Variants in DLEU7 observed in about 807,000 individuals in gnomAD.
The protein encoded by DLEU7 is deleted in lymphocytic leukemia 7.
Under a neutral mutation model 16.0 loss-of-function variants are expected in DLEU7, and 17 were observed. The ratio of observed to expected loss-of-function variants is 1.06; its 90% CI spans 0.73 to 1.59. The LOEUF (loss-of-function observed/expected upper bound fraction) is 1.59. Among genes scored for constraint, DLEU7 ranks in the 40% most tolerant of loss-of-function variants. The pLI, the probability that DLEU7 is intolerant of heterozygous loss-of-function variation, is 0.00. For missense variants in DLEU7, 308 were observed against 314.9 expected (o/e 0.98, Z 0.17); for synonymous variants, 113 against 139.8 (o/e 0.81, Z 1.35).
At chr13:50,814,817 A>G (rs1876681282) in intron 1 of DLEU7, among the ~76,000 whole-genome samples, 1 of 148,522 alleles carries the variant, frequency 6.7e-6, no homozygotes, top group South Asian at 2.2e-4. Context: ...CTGTGTATGT[A>G]CTGTACCAAT....
At chr13:50,791,286 T>C (rs1875951051) in intron 1 of DLEU7, among the ~76,000 whole-genome samples, 1 of 152,112 alleles carries the variant, frequency 6.6e-6, no homozygotes, top group African/African-American at 2.4e-5. Context: ...CACCTATGCT[T>C]TCTCCTGCTC....
intron 1 of DLEU7, among the ~76,000 whole-genome samples, chr13:50,834,157 A>C (rs60488394): frequency 7.1e-4 from 108 of 152,260 alleles, no homozygotes; most frequent in African/African-American, 2.6e-3. Context: ...AAAACACACA[A>C]AAAAAATGGC....
At chr13:50,736,309 C>T (rs1003543574) in intron 1 of DLEU7, among the ~76,000 whole-genome samples, 10 of 151,966 alleles carry the variant, frequency 6.6e-5, no homozygotes, top group African/African-American at 2.4e-4. Context: ...AATGAGAACA[C>T]ATGGACACGT....
chr13:50,732,635 G>A (rs1265305353), intron 1 of DLEU7, among the ~76,000 whole-genome samples: 1 of 125,766 alleles, frequency 8.0e-6, no homozygotes, highest in Admixed American at 7.5e-5. Flanking sequence ...AAGCTTATGT[G>A]CTTATGTTCA....
intron 1 of DLEU7, among the ~76,000 whole-genome samples, chr13:50,767,650 A>C (rs1414104579): frequency 2.0e-5 from 3 of 152,046 alleles, no homozygotes; most frequent in Non-Finnish European, 2.9e-5. Flanking sequence ...GGAAGTTGGA[A>C]AATAGGACCA....
At chr13:50,833,136 A>C (rs997826881) in intron 1 of DLEU7, among the ~76,000 whole-genome samples, 3 of 152,246 alleles carry the variant, frequency 2.0e-5, no homozygotes, top group Non-Finnish European at 4.4e-5. Flanking sequence ...GAAAACCAGC[A>C]CAAGACAAGG....
At chr13:50,740,029 A>G (rs1874207554) in intron 1 of DLEU7, among the ~76,000 whole-genome samples, 1 of 152,152 alleles carries the variant, frequency 6.6e-6, no homozygotes, top group Admixed American at 6.5e-5. Flanking sequence ...ACACTAGTTC[A>G]TTGATTTCTG....
chr13:50,757,690 A>C (rs1211580464), intron 1 of DLEU7, among the ~76,000 whole-genome samples: 1 of 152,220 alleles, frequency 6.6e-6, no homozygotes, highest in Non-Finnish European at 1.5e-5. Context: ...GTGGATGGGT[A>C]GGGGATAGAA....
At chr13:50,717,457 T>C (rs771924388) in intron 1 of DLEU7, among the ~76,000 whole-genome samples, 3 of 152,220 alleles carry the variant, frequency 2.0e-5, no homozygotes, top group African/African-American at 4.8e-5. Context: ...GTAACCCACT[T>C]TTCAGTTGCT....
At chr13:50,782,173 T>A (rs1019574894) in intron 1 of DLEU7, among the ~76,000 whole-genome samples, 1 of 152,172 alleles carries the variant, frequency 6.6e-6, no homozygotes, top group African/African-American at 2.4e-5. Context: ...GAAAACCACC[T>A]CCCTCACAAA....
At chr13:50,807,071 G>A (rs2137786336) in intron 1 of DLEU7, among the ~76,000 whole-genome samples, 1 of 149,550 alleles carries the variant, frequency 6.7e-6, no homozygotes, top group East Asian at 2.0e-4. Context: ...TAGTAAAGAA[G>A]TACTAAAATT....
intron 1 of DLEU7, among the ~76,000 whole-genome samples, chr13:50,797,979 C>T (rs1387293300): frequency 6.6e-6 from 1 of 152,128 alleles, no homozygotes; most frequent in Admixed American, 6.5e-5. Context: ...AACATATTAA[C>T]TAAGAAGTTC....
At chr13:50,729,242 T>C (rs1873849714) in intron 1 of DLEU7, among the ~76,000 whole-genome samples, 1 of 152,182 alleles carries the variant, frequency 6.6e-6, no homozygotes, top group South Asian at 2.1e-4. Flanking sequence ...CTATGTGTAC[T>C]CAAGTGCTTA....
intron 1 of DLEU7, among the ~76,000 whole-genome samples, chr13:50,733,175 A>G (rs1873967938): frequency 1.3e-5 from 2 of 152,208 alleles, no homozygotes; most frequent in South Asian, 4.1e-4. Flanking sequence ...CGTTTTAAAA[A>G]CAGTGATGAT....
chr13:50,738,299 T>TG (rs1384375667), intron 1 of DLEU7, among the ~76,000 whole-genome samples: 5 of 152,150 alleles, frequency 3.3e-5, no homozygotes, highest in African/African-American at 1.2e-4. Context: ...AATAAAACAT[T>TG]GGGAAAAAAA....
intron 1 of DLEU7, among the ~76,000 whole-genome samples, chr13:50,747,511 C>T (rs1874437298): frequency 6.6e-6 from 1 of 152,024 alleles, no homozygotes. Flanking sequence ...CAGATGCTCT[C>T]TCTCCCTCAC....
intron 1 of DLEU7, among the ~76,000 whole-genome samples, chr13:50,784,302 CT>C (rs1482434266): frequency 6.6e-6 from 1 of 152,186 alleles, no homozygotes; most frequent in African/African-American, 2.4e-5. Context: ...TTTTTCACAG[CT>C]CCTTAGAGGC....
At chr13:50,744,217 C>A (rs1484299170) in intron 1 of DLEU7, among the ~76,000 whole-genome samples, 1 of 152,172 alleles carries the variant, frequency 6.6e-6, no homozygotes, top group Non-Finnish European at 1.5e-5. Flanking sequence ...TCTGAGTCAA[C>A]CCCACAAGCC....
intron 1 of DLEU7, among the ~76,000 whole-genome samples, chr13:50,827,380 T>G (rs540772868): frequency 7.2e-5 from 11 of 152,210 alleles, no homozygotes; most frequent in Admixed American, 5.9e-4. Context: ...AGGGAAAAGA[T>G]GAATTAAAAT....
Sources: gnomAD v4.1 joint callset for allele counts (sites outside exome capture counted in the v4.1 genomes callset) on GRCh38, gnomAD v4.1.1 for gene constraint, MANE v1.5 for transcripts, NCBI Gene and HGNC (gene_info 2026-07-23, HGNC 2026-07-21) for gene names.